The following DPF3 variants were observed in gnomAD, a reference collection of about 807,000 sequenced individuals.
DPF3 encodes the protein zinc finger protein DPF3.
In DPF3, 18 loss-of-function variants were observed where a neutral mutation model predicts 56.8. That is an observed-to-expected ratio of 0.32 (90% confidence interval 0.22 to 0.47). DPF3 has a LOEUF of 0.47. Among genes scored for constraint, DPF3 ranks in the 20% least tolerant of loss-of-function variants. The pLI, the probability that DPF3 is intolerant of heterozygous loss-of-function variation, is 1.00. For synonymous variants in DPF3, 188 were observed against 180.2 expected (o/e 1.04, Z -0.35); for missense variants, 403 against 488.8 (o/e 0.82, Z 1.65).
At chr14:72,831,036 C>T (rs1884034790) in intron 1 of DPF3, among the ~76,000 whole-genome samples, 1 of 152,166 alleles carries the variant, frequency 6.6e-6, no homozygotes. Flanking sequence ...TGAACGTCCC[C>T]CATGTCATCA....
chr14:72,830,747 G>A (rs889314033), intron 1 of DPF3, among the ~76,000 whole-genome samples: 2 of 152,148 alleles, frequency 1.3e-5, no homozygotes, highest in African/African-American at 4.8e-5. Flanking sequence ...TGGGTCAAAA[G>A]GACCTTACAC....
At chr14:72,632,748 G>A (rs1277346681) in intron 8 of DPF3, among the ~76,000 whole-genome samples, 3 of 134,466 alleles carry the variant, frequency 2.2e-5, no homozygotes, top group Non-Finnish European at 3.2e-5. Flanking sequence ...AGGAGGGAAG[G>A]ATGGAGGGAG....
chr14:72,887,109 G>C (rs1447260053), intron 1 of DPF3, among the ~76,000 whole-genome samples: 1 of 151,096 alleles, frequency 6.6e-6, no homozygotes, highest in Non-Finnish European at 1.5e-5. Flanking sequence ...ATAAAGTCCA[G>C]ACCGGAGGAC....
rs756861484 is a variant in DPF3, at chr14:72,693,143, C to T, written c.675G>A (p.Glu225=). Residue 225 remains glutamate (E), a synonymous_variant, in exon 7 of 11, where the codon GAG becomes GAA. Transcript: ENST00000556509. ...YHYAHTHLAS[E]EGDEAQDQET... is the part of the protein sequence containing the mutation. ...CCTGGTCTTGAGCTTCATCCCCCTC[C>T]TCGCTGGCCAGGTGAGTGTGAGCAT... 9.0e-5 allele frequency: 146 copies of T among 1,613,916 alleles called. No individual in the cohort carries two copies. The highest frequency in any genetic ancestry group is 1.2e-4 in the Non-Finnish European group (143 of 1,179,892).
chr14:72,794,762 C>T (rs545082848), intron 1 of DPF3, among the ~76,000 whole-genome samples: 12 of 152,254 alleles, frequency 7.9e-5, no homozygotes, highest in South Asian at 6.2e-4. Context: ...TACGATTTTA[C>T]GGTTCTAGAG....
rs576659683 is a variant in DPF3, at chr14:72,867,067, AAAT to A, written c.32+26987_32+26989del. 1.2e-4 allele frequency among the ~76,000 whole-genome samples: 17 copies of A among 137,738 alleles called. No homozygotes were observed. The East Asian group carries it at 2.9e-3, about 24-fold the overall frequency. The allele number at this position is 137,738 out of a possible 152,430, so 90.4% of individuals were successfully genotyped here. A position where few individuals can be genotyped will look rare whatever the true frequency, so the allele number is the denominator to read the frequency against. ...AACAGGACGGCTTTTATTTTTAATA[AAAT>A]AATTTTTATAGAGATGGGGTCTCAC... is the stretch of plus-strand genomic sequence containing the variant. On this transcript the variant is annotated intron_variant, in intron 1 of 10. Transcript: ENST00000556509.
chr14:72,886,879 G>A (rs937508821), intron 1 of DPF3, among the ~76,000 whole-genome samples: 2 of 152,056 alleles, frequency 1.3e-5, no homozygotes, highest in Non-Finnish European at 2.9e-5. Flanking sequence ...TCAGGTAGGG[G>A]CTAGTTCCAC....
intron 1 of DPF3, among the ~76,000 whole-genome samples, chr14:72,773,376 C>T (rs1319042317): frequency 6.6e-6 from 1 of 152,126 alleles, no homozygotes; most frequent in Non-Finnish European, 1.5e-5. Context: ...TCAGGCGATC[C>T]ACCCGCCTCA....
Position 72,619,980 on chromosome 14 carries a change from T to C in DPF3, c.989A>G (p.Gln330Arg), listed in dbSNP as rs752135227. 1.6e-5 allele frequency: 25 copies of C among 1,533,896 alleles called. No homozygotes were observed. In the South Asian group the frequency reaches 2.2e-4, roughly 13 times the overall value. Residue 330 changes from glutamine (Q) to arginine (R), a missense_variant, in exon 10 of 11, where the codon CAG (glutamine) becomes CGG (arginine). Gln to Arg is a conservative substitution (Grantham distance 43). Transcript: ENST00000556509. ...ILCGTSENDD[Q>R]LLFCDDCDRG... ...GTCACAGTCATCGCAGAAGAGTAGCTGGTCCTGGTGGAACACAGAGTAAGC... is the reference window on the plus strand; with the variant it reads ...GTCACAGTCATCGCAGAAGAGTAGCCGGTCCTGGTGGAACACAGAGTAAGC...
At chr14:72,678,426 A>T (rs533257251) in intron 7 of DPF3, among the ~76,000 whole-genome samples, 26 of 152,358 alleles carry the variant, frequency 1.7e-4, no homozygotes, top group African/African-American at 5.8e-4. Flanking sequence ...CTACTACAGT[A>T]ATCCATCCTG....
At chr14:72,699,190 A>C (rs998570129) in intron 6 of DPF3, among the ~76,000 whole-genome samples, 2 of 152,134 alleles carry the variant, frequency 1.3e-5, no homozygotes, top group Non-Finnish European at 2.9e-5. Flanking sequence ...GATCTTAAGA[A>C]ACTGGTGGAA....
At chr14:72,731,494 CAG>C in intron 4 of DPF3, 1 of 274,794 alleles carries the variant, frequency 3.6e-6, no homozygotes, top group South Asian at 4.7e-5. Flanking sequence ...GACAAGGATT[CAG>C]ACTGTTTTGT....
intron 6 of DPF3, among the ~76,000 whole-genome samples, chr14:72,713,576 C>T (rs570478849): frequency 2.4e-4 from 37 of 152,336 alleles, no homozygotes; most frequent in African/African-American, 8.4e-4. Flanking sequence ...GCTCTGCATC[C>T]TCAGAGAGGA....
chr14:72,812,653 G>A (rs1247450214), intron 1 of DPF3, among the ~76,000 whole-genome samples: 1 of 152,152 alleles, frequency 6.6e-6, no homozygotes. Flanking sequence ...GCTCAGCAGG[G>A]CATGGAGGCT....
At chr14:72,681,608 T>C (rs1164230687) in intron 7 of DPF3, among the ~76,000 whole-genome samples, 1 of 152,204 alleles carries the variant, frequency 6.6e-6, no homozygotes, top group African/African-American at 2.4e-5. Context: ...TTTTCCTCCA[T>C]CTTTATCCAA....
rs1380189500 is a variant in DPF3, at chr14:72,884,944, A to ATATATATATATATATATATATATATG, written c.32+9112_32+9113insCATATATATATATATATATATATATA. On this transcript the variant is annotated intron_variant, in intron 1 of 10. Transcript: ENST00000556509. The stretch of plus-strand genomic sequence containing the variant: ...ACCCCGTCTCTACTAAAAATACTAT[A>ATATATATATATATATATATATATATG]TATATATATATATATATATATATAT... Among the ~76,000 whole-genome samples the ATATATATATATATATATATATATATG allele has an allele frequency of 1.0e-4, 7 of 67,634 alleles. 1 individual carries two copies. The South Asian group carries it at 2.1e-3, about 21-fold the overall frequency. 44.4% of individuals were successfully genotyped at this position (67,634 alleles called of 152,430 possible). A position where few individuals can be genotyped will look rare whatever the true frequency, so the allele number is the denominator to read the frequency against.
At chr14:72,852,587 G>T (rs866033271) in intron 1 of DPF3, among the ~76,000 whole-genome samples, 4 of 152,150 alleles carry the variant, frequency 2.6e-5, no homozygotes, top group Admixed American at 2.6e-4. Context: ...ACAGCCTGTC[G>T]CCATGATTGG....
intron 3 of DPF3, among the ~76,000 whole-genome samples, chr14:72,741,789 T>A (rs1890133278): frequency 6.6e-6 from 1 of 152,066 alleles, no homozygotes; most frequent in Non-Finnish European, 1.5e-5. Flanking sequence ...TGGGCAGAGG[T>A]ACAGGTGAGC....
chr14:72,766,487 T>G (rs558341369), intron 2 of DPF3, among the ~76,000 whole-genome samples: 2 of 152,348 alleles, frequency 1.3e-5, no homozygotes, highest in South Asian at 2.1e-4. Context: ...AGTATCACTC[T>G]GTAGCCTGGG....
Sources: gnomAD v4.1 joint callset for allele counts (sites outside exome capture counted in the v4.1 genomes callset) on GRCh38, gnomAD v4.1.1 for gene constraint, MANE v1.5 for transcripts, NCBI Gene and HGNC (gene_info 2026-07-23, HGNC 2026-07-21) for gene names.